Variants in MMEL1 observed in about 807,000 individuals in gnomAD.
The protein encoded by MMEL1 is membrane metallo-endopeptidase-like 1.
MMEL1 carries 98 observed loss-of-function variants against 117.1 expected under a neutral mutation model. That is an observed-to-expected ratio of 0.84 (90% CI 0.71 to 0.99). The LOEUF is 0.99. Among genes scored for constraint, MMEL1 ranks in the 50% least tolerant of loss-of-function variants. The pLI is 0.00. For synonymous variants in MMEL1, 390 were observed against 415.1 expected (o/e 0.94, Z 0.74); for missense variants, 1,014 against 1,049.1 (o/e 0.97, Z 0.46).
chr1:2,618,647 C>T lies in MMEL1; in HGVS notation c.155-6443G>A, dbSNP rs540942651. Among the ~76,000 whole-genome samples the T allele has an allele frequency of 4.6e-5, 7 of 152,268 alleles. No individual in the cohort carries two copies. The East Asian group carries it at 1.2e-3, about 25-fold the overall frequency. On this transcript the variant is annotated intron_variant, in intron 2 of 23. Coordinates refer to ENST00000378412, the MANE Select transcript of MMEL1 (RefSeq NM_033467.4). Reference sequence around the variant, plus strand: ...GAAATGTGTGGCCAAGGAAACCTCTCGCGGAGAAGCCAATTTAAAGAAACT... The same window carrying T: ...GAAATGTGTGGCCAAGGAAACCTCTTGCGGAGAAGCCAATTTAAAGAAACT...
chr1:2,603,274 G>A (rs935152026), intron 11 of MMEL1, among the ~76,000 whole-genome samples: 12 of 152,192 alleles, frequency 7.9e-5, no homozygotes, highest in Admixed American at 2.0e-4. Flanking sequence ...ACCCTTTGCC[G>A]AAGCTGCACG....
chr1:2,601,262 C>G lies in MMEL1; in HGVS notation c.1042-2472G>C, dbSNP rs576470559. 1.1e-4 allele frequency among the ~76,000 whole-genome samples: 17 copies of G among 152,122 alleles called. No homozygotes were observed. The South Asian group carries it at 3.5e-3, about 32-fold the overall frequency. On this transcript the variant is annotated intron_variant, in intron 11 of 23. Coordinates refer to ENST00000378412, the MANE Select transcript of MMEL1 (RefSeq NM_033467.4). The stretch of plus-strand genomic sequence containing the variant: ...TTATCACTTGGATAGATAAAGAGAC[C>G]AGTGGGGCAAAAGAGAGTCCAGAAA...
intron 2 of MMEL1, among the ~76,000 whole-genome samples, chr1:2,616,211 G>A (rs936908500): frequency 2.0e-5 from 3 of 151,908 alleles, no homozygotes; most frequent in Non-Finnish European, 4.4e-5. Flanking sequence ...GCATGATGGT[G>A]GACACCTGTG....
chr1:2,629,231 C>T, intron 2 of MMEL1, 100 bp downstream of exon 2: 3 of 1,305,774 alleles, frequency 2.3e-6, no homozygotes, highest in Non-Finnish European at 3.0e-6. Context: ...ATCTGACGGG[C>T]GGGCTCGGGC....
At chr1:2,615,747 T>C (rs1645190997) in intron 2 of MMEL1, among the ~76,000 whole-genome samples, 2 of 152,188 alleles carry the variant, frequency 1.3e-5, no homozygotes, top group East Asian at 1.9e-4. Context: ...AAATCTAAAA[T>C]TGTTCTAAAT....
At chr1:2,605,725 A>G (rs1418194566) in intron 8 of MMEL1, 102 bp from the exon 9 acceptor site, 4 of 835,952 alleles carry the variant, frequency 4.8e-6, no homozygotes, top group Non-Finnish European at 7.7e-6. Flanking sequence ...TGCCCCGTGC[A>G]CACGTGCTCT....
intron 17 of MMEL1, 45 bp downstream of exon 17, chr1:2,594,745 C>G (rs1315903080): frequency 6.5e-7 from 1 of 1,531,496 alleles, no homozygotes; most frequent in Admixed American, 1.7e-5. Flanking sequence ...TTACTGGCCA[C>G]TCCCTGGCCC....
rs768251593 is a variant in MMEL1 at position 2,611,323 on chromosome 1, C to T, written c.250G>A (p.Glu84Lys). ...RKPRGIPEAQ[E>K]VSEVCTTPGC... is the part of the protein sequence containing the mutation. ...GGGGTGGTGCAGACCTCGCTCACCTCTTGGGCCTCTGGGATCCCTGCGGGC... is the reference window on the plus strand; with the variant it reads ...GGGGTGGTGCAGACCTCGCTCACCTTTTGGGCCTCTGGGATCCCTGCGGGC... The change falls in exon 4 of 24, where the codon GAG becomes AAG. Residue 84 changes from glutamate (E) to lysine (K), a missense_variant. By Grantham distance (56) the Glu-to-Lys change is moderately conservative. Coordinates refer to ENST00000378412, the MANE Select transcript of MMEL1 (RefSeq NM_033467.4). 3 of 1,553,138 alleles carry T rather than the reference C, an allele frequency of 1.9e-6. No homozygotes were observed. In the South Asian group the frequency reaches 3.6e-5, roughly 19 times the overall value.
chr1:2,593,029 C>G (rs1488397978), intron 19 of MMEL1, 63 bp from the exon 20 acceptor site: 42 of 1,584,912 alleles, frequency 2.6e-5, no homozygotes, highest in Non-Finnish European at 3.6e-5. Flanking sequence ...GGCCCCACGG[C>G]AGCCACTGTG....
At chr1:2,604,096 G>A in intron 10 of MMEL1, 51 bp downstream of exon 10, 1 of 1,573,972 alleles carries the variant, frequency 6.4e-7, no homozygotes, top group Admixed American at 1.7e-5. Flanking sequence ...ACACCGCCTG[G>A]GGCTCCCAGC....
intron 2 of MMEL1, among the ~76,000 whole-genome samples, chr1:2,619,337 G>GT (rs1444923278): frequency 3.3e-5 from 5 of 152,272 alleles, no homozygotes; most frequent in East Asian, 3.9e-4. Flanking sequence ...ATAAAATAAC[G>GT]TAAGTACGTT....
chr1:2,594,405 G>A lies in MMEL1; in HGVS notation c.1727C>T (p.Ser576Phe), dbSNP rs1644797207. The A allele has an allele frequency of 6.4e-7, 1 of 1,551,586 alleles. No homozygotes were observed. Among genetic ancestry groups the A allele is most frequent in the African/African-American group, 1.4e-5 (1 of 73,038 alleles). The change falls in exon 18 of 24, where the codon TCC becomes TTC. Residue 576 changes from serine to phenylalanine, a missense_variant. Ser to Phe is a radical substitution (Grantham distance 155). Coordinates refer to ENST00000378412, the MANE Select transcript of MMEL1 (RefSeq NM_033467.4). ...IGAAVVNAFY[S>F]PNRNQIVFPA... ...CTTACCAATCTGGTTTCGGTTTGGG[G>A]AGTAGAACGCATTGACCACCGCCGC...
rs1241137933 is a variant in MMEL1, at chr1:2,604,242, T to C, written c.856A>G (p.Thr286Ala). 2 of 1,612,786 alleles carry C rather than the reference T, an allele frequency of 1.2e-6. No individual in the cohort carries two copies. Among genetic ancestry groups the C allele is most frequent in the South Asian group, 2.2e-5 (2 of 91,084 alleles). The change falls in exon 10 of 24, where the codon ACG (threonine) becomes GCG (alanine). Residue 286 changes from threonine to alanine, a missense_variant. Coordinates refer to ENST00000378412, the MANE Select transcript of MMEL1 (RefSeq NM_033467.4). ...AYLQFMVSVA[T>A]LLREDANLPR... ...AGGTTTGCATCCTCCCGCAGCAACG[T>C]GGCCACTGACACCATGAACTGCAGG... is the stretch of plus-strand genomic sequence containing the variant.
chr1:2,608,732 A>G (rs1645072501), intron 6 of MMEL1, among the ~76,000 whole-genome samples: 1 of 152,104 alleles, frequency 6.6e-6, no homozygotes, highest in Non-Finnish European at 1.5e-5. Context: ...TACACAATAC[A>G]CATGTGACAT....
chr1:2,611,953 C>T (rs1377670045), intron 3 of MMEL1, among the ~76,000 whole-genome samples, 174 bp downstream of exon 3: 4 of 152,188 alleles, frequency 2.6e-5, no homozygotes, highest in Non-Finnish European at 5.9e-5. Flanking sequence ...AAGCCTCCTG[C>T]GTCCAGCAGG....
chr1:2,597,803 C>T (rs922100510), intron 13 of MMEL1, among the ~76,000 whole-genome samples: 1 of 152,234 alleles, frequency 6.6e-6, no homozygotes, highest in Non-Finnish European at 1.5e-5. Flanking sequence ...CCTCGCCTCC[C>T]TCCCTGCCAT....
intron 2 of MMEL1, among the ~76,000 whole-genome samples, chr1:2,619,751 G>A (rs528082519): frequency 2.7e-5 from 4 of 150,620 alleles, no homozygotes; most frequent in South Asian, 2.1e-4. Flanking sequence ...ATAAAACCAC[G>A]TAGTTGTTGA....
intron 17 of MMEL1, 30 bp from the exon 18 acceptor site, chr1:2,594,473 C>T (rs367932734): frequency 2.3e-4 from 354 of 1,551,020 alleles, no homozygotes; most frequent in East Asian, 1.0e-3. Context: ...CTCTGGGAGC[C>T]GCCTCTCCGG....
intron 23 of MMEL1, 56 bp from the exon 24 acceptor site, chr1:2,591,145 AT>A: frequency 7.8e-7 from 1 of 1,276,680 alleles, no homozygotes; most frequent in Non-Finnish European, 1.1e-6. Flanking sequence ...AAACATGGCC[AT>A]TTTAAGTTCT....
Sources: gnomAD v4.1 joint callset for allele counts (sites outside exome capture counted in the v4.1 genomes callset) on GRCh38, gnomAD v4.1.1 for gene constraint, MANE v1.5 for transcripts, NCBI Gene and HGNC (gene_info 2026-07-23, HGNC 2026-07-21) for gene names.